CA8: variants seen among roughly 807,000 people sequenced by gnomAD.
The protein encoded by CA8 is carbonic anhydrase 8 (inactive).
CA8 carries 22 observed loss-of-function variants against 41.4 expected under a neutral mutation model. The ratio of observed to expected loss-of-function variants is 0.53; its 90% CI spans 0.38 to 0.76. The LOEUF (loss-of-function observed/expected upper bound fraction) is 0.76. CA8 is among the 30% of genes least tolerant of loss of function. The pLI is 0.00. For missense variants in CA8, 270 were observed against 352.8 expected, an observed-to-expected ratio of 0.77 and a Z score of 1.88; for synonymous variants, 121 against 130.6, an observed-to-expected ratio of 0.93 and a Z score of 0.50.
intron 8 of CA8, among the ~76,000 whole-genome samples, chr8:60,193,638 C>T (rs771107089): frequency 1.6e-4 from 25 of 152,156 alleles, no homozygotes; most frequent in Non-Finnish European, 2.9e-4. Flanking sequence ...TAGCTTCCAG[C>T]GTTGCTTTTG....
intron 8 of CA8, among the ~76,000 whole-genome samples, chr8:60,192,516 T>C (rs1806158905): frequency 6.6e-6 from 1 of 152,168 alleles, no homozygotes; most frequent in Non-Finnish European, 1.5e-5. Context: ...TGCCATGTGT[T>C]GGAAGTTTAC....
intron 3 of CA8, among the ~76,000 whole-genome samples, chr8:60,240,122 G>C (rs1008197052): frequency 2.6e-5 from 4 of 152,174 alleles, no homozygotes; most frequent in Non-Finnish European, 4.4e-5. Context: ...AGGGAACTCA[G>C]AAAATTCCAA....
Position 60,208,832 on chromosome 8 carries a change from G to T in CA8, c.826C>A (p.Pro276Thr), listed in dbSNP as rs759902981. The T allele has an allele frequency of 1.2e-6, 2 of 1,614,128 alleles. No homozygotes were observed. The highest frequency in any genetic ancestry group is 3.3e-5 in the Admixed American group (2 of 60,014). ...ACTCTGTCACTAAGAGGCTGAGTGG[G>T]CCGAAAGTTGTCTCCCAAAATCCCA... ...CDGILGDNFRPTQPLSDRVIR... is the reference protein window; with the variant it reads ...CDGILGDNFRTTQPLSDRVIR... Residue 276 changes from proline (P) to threonine (T), a missense_variant, in exon 8 of 9, where the codon CCC becomes ACC. Around this residue, in one of 3 missense-constraint regions of CA8, gnomAD observed 141 missense variants for 191.6 expected, o/e 0.74. Transcript: ENST00000317995.
In CA8 at chr8:60,281,103, C is replaced by A; in HGVS notation, c.45G>T (p.Glu15Asp). 1 of 1,606,214 alleles carries A rather than the reference C, an allele frequency of 6.2e-7. No individual in the cohort carries two copies. The highest frequency in any genetic ancestry group is 2.2e-5 in the East Asian group (1 of 44,590). The change falls in exon 1 of 9, where the codon GAG becomes GAT. Residue 15 changes from glutamate to aspartate, a missense_variant. Glu to Asp is a conservative substitution (Grantham distance 45). This residue lies in a region of CA8 where 123 missense variants were observed against 136.8 expected (regional missense o/e 0.90). Transcript: ENST00000317995. ...SFIEDTVAFP[E>D]KEEDEEEEEE... is the part of the protein sequence containing the mutation. ...CTTCTTCCTCCTCATCCTCTTCCTT[C>A]TCGGGGAAGGCGACGGTATCTTCGA...
chr8:60,224,582 T>C lies in CA8; in HGVS notation c.580A>G (p.Lys194Glu). 6.4e-7 allele frequency: 1 copy of C among 1,563,420 alleles called. No individual in the cohort carries two copies. Among genetic ancestry groups the C allele is most frequent in the Non-Finnish European group, 8.8e-7 (1 of 1,135,490 alleles). The change falls in exon 6 of 9, where the codon AAG becomes GAG. Residue 194 changes from lysine to glutamate, a missense_variant. Around this residue, in one of 3 missense-constraint regions of CA8, gnomAD observed 141 missense variants for 191.6 expected, o/e 0.74. Transcript: ENST00000317995. ...EILQDIQYKGKSKTIPCFNPN... is the reference protein window; with the variant it reads ...EILQDIQYKGESKTIPCFNPN... ...TTAAAGCAAGGTATTGTTTTGGACT[T>C]CCCCTGAAAAAGAAAAAAATATTTA...
chr8:60,208,874 G>T lies in CA8; in HGVS notation c.784C>A (p.Leu262Ile), dbSNP rs757118733. The T allele has an allele frequency of 1.9e-6, 3 of 1,614,116 alleles. No homozygotes were observed. The highest frequency in any genetic ancestry group is 2.5e-6 in the Non-Finnish European group (3 of 1,180,008). Reference sequence around the variant, plus strand: ...AAAATCCCATCACAGCCTTCCACAAGTTCTGCCCCCTTAACATGTGTCCTC... The same window carrying T: ...AAAATCCCATCACAGCCTTCCACAATTTCTGCCCCCTTAACATGTGTCCTC... The part of the protein sequence containing the change: ...RLRTHVKGAE[L>I]VEGCDGILGD... The change falls in exon 8 of 9, where the codon CTT (leucine) becomes ATT (isoleucine). Residue 262 changes from leucine to isoleucine, a missense_variant. Physicochemically the swap from Leu to Ile is conservative, Grantham distance 5. Transcript: ENST00000317995.
intron 8 of CA8, among the ~76,000 whole-genome samples, chr8:60,196,140 C>G (rs746053501): frequency 2.0e-5 from 3 of 151,994 alleles, no homozygotes; most frequent in Non-Finnish European, 4.4e-5. Context: ...GGAAATCTTA[C>G]CGAAAACTAT....
chr8:60,279,599 CT>C, intron 2 of CA8, 89 bp downstream of exon 2: 2 of 1,149,730 alleles, frequency 1.7e-6, no homozygotes, highest in South Asian at 2.5e-5. Context: ...GTCAGTTGTA[CT>C]TTTTAAATTG....
chr8:60,276,612 A>C (rs935923645), intron 2 of CA8, among the ~76,000 whole-genome samples: 1 of 152,084 alleles, frequency 6.6e-6, no homozygotes, highest in Admixed American at 6.5e-5. Context: ...ATTTAAGTAG[A>C]CTCCAGGGGA....
At chr8:60,271,527 G>A (rs912063780) in intron 2 of CA8, among the ~76,000 whole-genome samples, 4 of 152,078 alleles carry the variant, frequency 2.6e-5, no homozygotes, top group African/African-American at 7.2e-5. Context: ...ATGTTTGGGG[G>A]GGAAAAGTAG....
chr8:60,224,417 G>C (rs1807354969), intron 6 of CA8, 120 bp downstream of exon 6: 2 of 698,682 alleles, frequency 2.9e-6, no homozygotes, highest in African/African-American at 1.8e-5. Flanking sequence ...CTGCTAAACA[G>C]AATACAAATT....
At chr8:60,271,026 C>G (rs572010156) in intron 2 of CA8, among the ~76,000 whole-genome samples, 12 of 152,106 alleles carry the variant, frequency 7.9e-5, no homozygotes, top group Admixed American at 4.6e-4. Context: ...TCAAATGCAC[C>G]AAAATTAGCC....
intron 7 of CA8, among the ~76,000 whole-genome samples, chr8:60,213,008 T>C (rs1054481712): frequency 6.6e-6 from 1 of 152,216 alleles, no homozygotes; most frequent in Non-Finnish European, 1.5e-5. Context: ...AAACAGTCCA[T>C]ATATGTATAC....
chr8:60,265,196 G>A (rs1324823075), intron 3 of CA8: 1 of 152,486 alleles, frequency 6.6e-6, no homozygotes, highest in African/African-American at 2.4e-5. Flanking sequence ...GTAAAAAGGG[G>A]GTGAGAGGGA....
At chr8:60,224,723 T>C (rs1039234602) in intron 5 of CA8, 138 bp from the exon 6 acceptor site, 1 of 644,386 alleles carries the variant, frequency 1.6e-6, no homozygotes, top group African/African-American at 1.8e-5. Flanking sequence ...TGTGGGTATC[T>C]CCTTCCACCT....
chr8:60,231,005 T>G (rs1422550188), intron 4 of CA8, among the ~76,000 whole-genome samples: 1 of 152,198 alleles, frequency 6.6e-6, no homozygotes, highest in Non-Finnish European at 1.5e-5. Context: ...TTATTATTTT[T>G]TATTCTTACT....
chr8:60,252,487 T>C (rs1020761220), intron 3 of CA8, among the ~76,000 whole-genome samples: 2 of 152,240 alleles, frequency 1.3e-5, no homozygotes, highest in African/African-American at 4.8e-5. Flanking sequence ...TAAAATCTAC[T>C]AATCCTTAGT....
At chr8:60,247,365 C>A (rs1317416569) in intron 3 of CA8, among the ~76,000 whole-genome samples, 1 of 152,056 alleles carries the variant, frequency 6.6e-6, no homozygotes, top group Non-Finnish European at 1.5e-5. Flanking sequence ...GTTTTAAGCC[C>A]CACATGCATT....
At chr8:60,265,581 T>C (rs968107244) in intron 3 of CA8, 3 of 288,646 alleles carry the variant, frequency 1.0e-5, no homozygotes, top group African/African-American at 4.5e-5. Flanking sequence ...TCTCCAACGG[T>C]TGCTTGTCTT....
Sources: allele counts gnomAD v4.1 joint callset (sites outside exome capture counted in the v4.1 genomes callset), GRCh38; gene constraint gnomAD v4.1.1; regional missense constraint gnomAD v4.1.1; transcripts MANE v1.5; gene names NCBI Gene and HGNC (gene_info 2026-07-23, HGNC 2026-07-21).